IL1RAPL1: variants seen among roughly 807,000 people sequenced by gnomAD.
IL1RAPL1 encodes the protein interleukin 1 receptor accessory protein like 1.
IL1RAPL1 carries 3 observed loss-of-function variants against 48.4 expected under a neutral mutation model. The observed-to-expected ratio is 0.06, with a 90% CI of 0.03 to 0.16. IL1RAPL1 has a LOEUF of 0.16. Among genes scored for constraint, IL1RAPL1 ranks in the 10% least tolerant of loss-of-function variants. The pLI is 1.00. For missense variants in IL1RAPL1, 349 were observed against 530.6 expected, an observed-to-expected ratio of 0.66 and a Z score of 3.36; for synonymous variants, 185 against 187.7, an observed-to-expected ratio of 0.99 and a Z score of 0.12.
chrX:29,783,495 T>G (rs1197415193), intron 6 of IL1RAPL1, among the ~76,000 whole-genome samples: 1 of 111,593 alleles, frequency 9.0e-6, no homozygotes. Flanking sequence ...TGAAGAAACT[T>G]TCCGGATTGG....
At chrX:28,818,166 C>G (rs1358174799) in intron 2 of IL1RAPL1, among the ~76,000 whole-genome samples, 2 of 110,611 alleles carry the variant, frequency 1.8e-5, no homozygotes, top group Non-Finnish European at 3.8e-5. Flanking sequence ...AACTTTTTAC[C>G]TATTTGGAAC....
intron 5 of IL1RAPL1, among the ~76,000 whole-genome samples, chrX:29,432,777 T>C (rs763189666): frequency 8.9e-6 from 1 of 111,796 alleles, no homozygotes; most frequent in Non-Finnish European, 1.9e-5. Flanking sequence ...TTTTAAACCA[T>C]AATACTTCTC....
intron 5 of IL1RAPL1, among the ~76,000 whole-genome samples, chrX:29,621,474 C>A (rs147194893): frequency 0.13 from 14,418 of 109,433 alleles, 1,027 homozygotes; most frequent in African/African-American, 0.26. Flanking sequence ...TCATTTTTTC[C>A]TCTTTGAGAA....
At chrX:29,442,405 A>G (rs1934557974) in intron 5 of IL1RAPL1, among the ~76,000 whole-genome samples, 1 of 111,449 alleles carries the variant, frequency 9.0e-6, no homozygotes, top group African/African-American at 3.3e-5. Context: ...TGCAGTGTAT[A>G]CTGCTCAGGT....
chrX:29,379,903 G>A (rs150866939), intron 3 of IL1RAPL1, among the ~76,000 whole-genome samples: 1,495 of 109,738 alleles, frequency 0.014, 27 homozygotes, highest in African/African-American at 0.047. Context: ...ACCATCCTTT[G>A]GCTATCCCTC....
chrX:29,858,267 C>T (rs945440016), intron 6 of IL1RAPL1, among the ~76,000 whole-genome samples: 1 of 111,802 alleles, frequency 8.9e-6, no homozygotes, highest in Non-Finnish European at 1.9e-5. Flanking sequence ...ACACACAATA[C>T]ACCGTAAAGT....
intron 5 of IL1RAPL1, among the ~76,000 whole-genome samples, chrX:29,651,873 G>A (rs1925529516): frequency 9.0e-6 from 1 of 111,472 alleles, no homozygotes; most frequent in African/African-American, 3.2e-5. Context: ...ATATCATGTT[G>A]TACATGATAG....
chrX:29,899,799 C>T (rs1932463285), intron 6 of IL1RAPL1, among the ~76,000 whole-genome samples: 1 of 111,314 alleles, frequency 9.0e-6, no homozygotes, highest in Non-Finnish European at 1.9e-5. Context: ...CCACCTCAAC[C>T]TCCCAAAGCG....
At chrX:29,701,865 G>A (rs1222777337) in intron 6 of IL1RAPL1, among the ~76,000 whole-genome samples, 1 of 111,646 alleles carries the variant, frequency 9.0e-6, no homozygotes, top group African/African-American at 3.3e-5. Context: ...ATATCCCTGA[G>A]GGCTAGAGGA....
At chrX:29,088,899 C>A (rs1302552363) in intron 2 of IL1RAPL1, among the ~76,000 whole-genome samples, 1 of 110,290 alleles carries the variant, frequency 9.1e-6, no homozygotes, top group South Asian at 3.9e-4. Context: ...AGTCTGTGGC[C>A]CTGAAAATTT....
chrX:28,746,842 C>T (rs2146955690), intron 1 of IL1RAPL1, among the ~76,000 whole-genome samples: 1 of 111,642 alleles, frequency 9.0e-6, no homozygotes, highest in Non-Finnish European at 1.9e-5. Flanking sequence ...TTATAAACTT[C>T]AGTTCATATG....
At chrX:29,440,125 A>T (rs1053127725) in intron 5 of IL1RAPL1, among the ~76,000 whole-genome samples, 4 of 109,829 alleles carry the variant, frequency 3.6e-5, no homozygotes, top group Non-Finnish European at 7.6e-5. Flanking sequence ...TCAGATAGAG[A>T]TCATGGAATC....
chrX:28,980,971 G>A (rs1229121392), intron 2 of IL1RAPL1, among the ~76,000 whole-genome samples: 1 of 104,924 alleles, frequency 9.5e-6, no homozygotes, highest in Non-Finnish European at 1.9e-5. Flanking sequence ...CATGCCTGTA[G>A]TCCCAGCTAC....
In IL1RAPL1 at chrX:29,668,516, CTTAATTCTAG is replaced by C. The variant is rs1383163695; in HGVS notation, c.778+18_778+27del. On this transcript the variant is annotated intron_variant, in intron 6 of 10. Coordinates refer to ENST00000378993, the MANE Select transcript of IL1RAPL1 (RefSeq NM_014271.4). ...GGAGACCCAGCTGGGTGAGTAATTC[CTTAATTCTAG>C]TTAATATGCTGCTCTCGTTACATTG... 8.9e-7 allele frequency: 1 copy of C among 1,129,613 alleles called. No individual in the cohort carries two copies. The highest frequency in any genetic ancestry group is 2.2e-5 in the Admixed American group (1 of 45,629). 93.1% of individuals were successfully genotyped at this position (1,129,613 alleles called of 1,213,427 possible).
At chrX:29,265,456 T>C (rs1931936513) in intron 2 of IL1RAPL1, among the ~76,000 whole-genome samples, 1 of 108,612 alleles carries the variant, frequency 9.2e-6, no homozygotes, top group African/African-American at 3.3e-5. Flanking sequence ...TCATGGAATC[T>C]TTTTTTTTAT....
At chrX:29,448,642 C>T (rs1443982218) in intron 5 of IL1RAPL1, among the ~76,000 whole-genome samples, 1 of 111,927 alleles carries the variant, frequency 8.9e-6, no homozygotes, top group African/African-American at 3.2e-5. Context: ...TCAGGTATTT[C>T]AGTTCTCAGA....
chrX:29,040,683 CAA>C (rs1926827367), intron 2 of IL1RAPL1, among the ~76,000 whole-genome samples: 1 of 112,110 alleles, frequency 8.9e-6, no homozygotes, highest in Admixed American at 9.5e-5. Context: ...TCACTTTAAA[CAA>C]AGAGATAATG....
intron 5 of IL1RAPL1, among the ~76,000 whole-genome samples, chrX:29,412,636 G>A (rs765383009): frequency 4.5e-5 from 5 of 111,281 alleles, no homozygotes; most frequent in Admixed American, 1.9e-4. Flanking sequence ...TATGTAGTTC[G>A]GCTTATATTT....
At chrX:29,757,294 C>T (rs774328133) in intron 6 of IL1RAPL1, among the ~76,000 whole-genome samples, 7 of 112,271 alleles carry the variant, frequency 6.2e-5, no homozygotes, top group African/African-American at 2.3e-4. Flanking sequence ...TTCATTTTGA[C>T]TCTTACCTCT....
Sources: gnomAD v4.1 joint callset for allele counts (sites outside exome capture counted in the v4.1 genomes callset) on GRCh38, gnomAD v4.1.1 for gene constraint, MANE v1.5 for transcripts, NCBI Gene and HGNC (gene_info 2026-07-23, HGNC 2026-07-21) for gene names.